Variants in TRANK1 observed in about 807,000 individuals in gnomAD.
TRANK1 encodes TPR and ankyrin repeat-containing protein 1.
A neutral mutation model predicts 266.0 loss-of-function variants in TRANK1; 198 were observed. The observed-to-expected ratio is 0.74, with a 90% CI of 0.66 to 0.84. TRANK1 has a LOEUF of 0.84. TRANK1 is among the 40% of genes least tolerant of loss of function. TRANK1 has a pLI of 0.00. For synonymous variants in TRANK1, 1,396 were observed against 1,384.1 expected (o/e 1.01, Z -0.19); for missense variants, 3,326 against 3,634.6 (o/e 0.92, Z 2.18).
intron 5 of TRANK1, 67 bp from the exon 6 acceptor site, chr3:36,893,051 G>A: frequency 1.6e-6 from 1 of 631,422 alleles, no homozygotes; most frequent in Non-Finnish European, 2.2e-6. Context: ...AAGCAAAAAA[G>A]TTATTTTAAG....
chr3:36,887,820 T>G (rs1201264899), intron 8 of TRANK1, among the ~76,000 whole-genome samples: 1 of 152,120 alleles, frequency 6.6e-6, no homozygotes, highest in Non-Finnish European at 1.5e-5. Flanking sequence ...GAGAAGGGAC[T>G]AAAACACAGA....
intron 8 of TRANK1, among the ~76,000 whole-genome samples, chr3:36,879,196 A>G (rs1185528000): frequency 2.0e-5 from 3 of 151,988 alleles, no homozygotes; most frequent in Admixed American, 6.6e-5. Context: ...TGCATTTTAT[A>G]TATACATACA....
At chr3:36,846,556 C>G (rs1018868932) in intron 16 of TRANK1, among the ~76,000 whole-genome samples, 152 bp from the exon 17 acceptor site, 12 of 152,228 alleles carry the variant, frequency 7.9e-5, no homozygotes, top group Non-Finnish European at 1.8e-4. Flanking sequence ...CAGGAGCTCA[C>G]TGTGGCCACA....
intron 13 of TRANK1, 119 bp from the exon 14 acceptor site, chr3:36,852,464 A>T: frequency 1.1e-6 from 1 of 911,362 alleles, no homozygotes. Context: ...AGTATGTATA[A>T]TTGCAAGCCC....
At position 36,899,313 on chromosome 3, in the gene TRANK1, T is replaced by C. The variant is rs1575285120; in HGVS notation, c.283-54A>G. ...ATGTACCACATCTCCTTTAACCTGCTGGTGAAAGAAAAAGCAAAATTGGCA... is the reference window on the plus strand; with the variant it reads ...ATGTACCACATCTCCTTTAACCTGCCGGTGAAAGAAAAAGCAAAATTGGCA... On this transcript the variant is annotated intron_variant, in intron 3 of 23. Coordinates refer to ENST00000645898, the MANE Select transcript of TRANK1 (RefSeq NM_001329998.2). 11 of 1,493,826 alleles carry C rather than the reference T, an allele frequency of 7.4e-6. No homozygotes were observed. In the East Asian group the frequency reaches 2.7e-4, roughly 37 times the overall value. The allele number at this position is 1,493,826 out of a possible 1,614,324, so 92.5% of individuals were successfully genotyped here. A position where few individuals can be genotyped will look rare whatever the true frequency, so the allele number is the denominator to read the frequency against.
chr3:36,878,785 A>G (rs1188542663), intron 8 of TRANK1, among the ~76,000 whole-genome samples: 1 of 148,932 alleles, frequency 6.7e-6, no homozygotes, highest in Non-Finnish European at 1.5e-5. Flanking sequence ...CAAAAAAAAA[A>G]AAAAGAAAGA....
At chr3:36,923,749 G>A (rs543844100) in intron 1 of TRANK1, among the ~76,000 whole-genome samples, 14 of 152,094 alleles carry the variant, frequency 9.2e-5, no homozygotes, top group Non-Finnish European at 1.9e-4. Context: ...CAGGTCTCCG[G>A]CAGGAGCTAC....
upstream of TRANK1, chr3:36,945,092 C>T (rs1411888631): frequency 4.7e-6 from 2 of 422,590 alleles, no homozygotes; most frequent in Non-Finnish European, 8.4e-6. Context: ...AAAACTGTCA[C>T]GTGCACGTCG....
chr3:36,919,987 G>T (rs953346321), intron 1 of TRANK1, among the ~76,000 whole-genome samples: 1 of 152,074 alleles, frequency 6.6e-6, no homozygotes, highest in Non-Finnish European at 1.5e-5. Context: ...TGTAGCTCAC[G>T]TTCTTGCAAT....
chr3:36,844,558 A>C (rs1001762368), intron 17 of TRANK1, among the ~76,000 whole-genome samples: 7 of 152,174 alleles, frequency 4.6e-5, no homozygotes, highest in Non-Finnish European at 8.8e-5. Flanking sequence ...GCCAGAACAT[A>C]CTTGGGGAAT....
intron 3 of TRANK1, among the ~76,000 whole-genome samples, chr3:36,900,872 A>AAAAAAAAAAAAAAAAAAAAAAT (rs1559462823): frequency 6.8e-6 from 1 of 147,968 alleles, no homozygotes; most frequent in Non-Finnish European, 1.5e-5. Flanking sequence ...AAAAAAAAAA[A>AAAAAAAAAAAAAAAAAAAAAAT]AAAAGATAAC....
At chr3:36,910,789 C>A (rs185956297) in intron 1 of TRANK1, among the ~76,000 whole-genome samples, 2 of 150,690 alleles carry the variant, frequency 1.3e-5, no homozygotes, top group African/African-American at 4.9e-5. Flanking sequence ...AGACCCAGTG[C>A]GCTGGCTCAT....
intron 6 of TRANK1, among the ~76,000 whole-genome samples, 198 bp downstream of exon 6, chr3:36,892,703 G>A (rs550247251): frequency 5.9e-5 from 9 of 152,108 alleles, no homozygotes; most frequent in African/African-American, 2.2e-4. Flanking sequence ...TGTGGTAGGC[G>A]CCTGTAATCC....
chr3:36,934,785 G>C (rs2080402393), intron 1 of TRANK1, among the ~76,000 whole-genome samples: 1 of 152,158 alleles, frequency 6.6e-6, no homozygotes, highest in Admixed American at 6.5e-5. Flanking sequence ...GTCCTAACTA[G>C]AAAACAACAA....
At chr3:36,899,663 C>A (rs562354250) in intron 3 of TRANK1, among the ~76,000 whole-genome samples, 6 of 152,266 alleles carry the variant, frequency 3.9e-5, no homozygotes, top group Middle Eastern at 6.8e-3. Flanking sequence ...TGTCTTACTT[C>A]TATGTAAACA....
intron 1 of TRANK1, among the ~76,000 whole-genome samples, chr3:36,914,642 T>G (rs773596418): frequency 3.0e-4 from 45 of 151,934 alleles, no homozygotes; most frequent in Non-Finnish European, 2.4e-4. Flanking sequence ...TATTTATTTA[T>G]TTATTTATTT....
chr3:36,892,460 A>G, intron 6 of TRANK1, 120 bp from the exon 7 acceptor site: 1 of 1,228,244 alleles, frequency 8.1e-7, no homozygotes, highest in Non-Finnish European at 1.1e-6. Flanking sequence ...GTCCAAGCCT[A>G]GGATTATTAT....
intron 1 of TRANK1, among the ~76,000 whole-genome samples, chr3:36,943,502 A>T (rs2080526571): frequency 1.2e-5 from 1 of 85,566 alleles, no homozygotes; most frequent in Non-Finnish European, 2.2e-5. Flanking sequence ...CCCGCAGAGG[A>T]TGCAAAAGCC....
chr3:36,935,945 G>A (rs1286998077), intron 1 of TRANK1, among the ~76,000 whole-genome samples: 1 of 152,162 alleles, frequency 6.6e-6, no homozygotes, highest in Non-Finnish European at 1.5e-5. Flanking sequence ...TTCACTGGTG[G>A]TATTGGATTT....
Sources: allele counts gnomAD v4.1 joint callset (sites outside exome capture counted in the v4.1 genomes callset), GRCh38; gene constraint gnomAD v4.1.1; transcripts MANE v1.5; gene names NCBI Gene and HGNC (gene_info 2026-07-23, HGNC 2026-07-21).